The following IRGM variants were observed in gnomAD, a reference collection of about 807,000 sequenced individuals.
The protein encoded by IRGM is immunity-related GTPase family M protein.
For synonymous variants in IRGM, 98 were observed against 80.6 expected (o/e 1.22, Z -1.16); for missense variants, 288 against 219.9 (o/e 1.31, Z -1.96).
chr5:150,895,910 C>T (rs1384265200), intron 3 of IRGM: 2 of 1,613,250 alleles, frequency 1.2e-6, no homozygotes, highest in East Asian at 4.5e-5. Context: ...TGAAGGCTTC[C>T]TCACATTGAG....
intron 3 of IRGM, chr5:150,895,430 T>C (rs998830152): frequency 3.1e-6 from 5 of 1,598,408 alleles, no homozygotes; most frequent in Non-Finnish European, 3.4e-6. Flanking sequence ...TTCATTATGA[T>C]TTTACCACTG....
intron 1 of IRGM, among the ~76,000 whole-genome samples, chr5:150,855,190 A>G (rs1463011401): frequency 2.0e-5 from 3 of 152,194 alleles, no homozygotes; most frequent in Admixed American, 2.0e-4. Context: ...AAATTCTCCT[A>G]CTTGGTGTAG....
downstream of IRGM, among the ~76,000 whole-genome samples, chr5:150,901,203 A>C (rs1401999903): frequency 2.6e-5 from 4 of 152,128 alleles, no homozygotes; most frequent in Non-Finnish European, 2.9e-5. Flanking sequence ...TAAGTAAAAA[A>C]TCCATTCTCC....
intron 3 of IRGM, among the ~76,000 whole-genome samples, chr5:150,884,675 T>C (rs1754490765): frequency 1.3e-5 from 2 of 152,196 alleles, no homozygotes; most frequent in Non-Finnish European, 2.9e-5. Flanking sequence ...TGATCAGTGA[T>C]ATTTAGCTTT....
chr5:150,890,656 GT>G (rs1157339587), intron 3 of IRGM, among the ~76,000 whole-genome samples: 2 of 151,796 alleles, frequency 1.3e-5, no homozygotes, highest in African/African-American at 4.8e-5. Context: ...ATATAGTTGT[GT>G]TTTTATTTTC....
downstream of IRGM, among the ~76,000 whole-genome samples, chr5:150,850,230 T>TA (rs928924954): frequency 6.6e-6 from 1 of 152,154 alleles, no homozygotes; most frequent in East Asian, 1.9e-4. Flanking sequence ...ATACGTAATT[T>TA]AAAAAAATAT....
At chr5:150,880,080 T>C (rs10041072) in intron 3 of IRGM, among the ~76,000 whole-genome samples, 31,791 of 152,142 alleles carry the variant, frequency 0.21, 5,366 homozygotes, top group African/African-American at 0.45. Context: ...TTAAAATTCC[T>C]GTCTTTGGAT....
intron 3 of IRGM, among the ~76,000 whole-genome samples, chr5:150,881,815 C>G (rs922738750): frequency 6.6e-6 from 1 of 152,050 alleles, no homozygotes; most frequent in Non-Finnish European, 1.5e-5. Flanking sequence ...ATAGCATAAT[C>G]GGTGTAAGAT....
In IRGM at chr5:150,848,056, C is replaced by A. The variant is rs1274652463; in HGVS notation, c.-68C>A. 9 of 1,294,840 alleles carry A rather than the reference C, an allele frequency of 7.0e-6. No homozygotes were observed. The highest frequency in any genetic ancestry group is 2.6e-5 in the Admixed American group (1 of 38,608). The allele number at this position is 1,294,840 out of a possible 1,614,324, so 80.2% of individuals were successfully genotyped here. A position where few individuals can be genotyped will look rare whatever the true frequency, so the allele number is the denominator to read the frequency against. On this transcript the variant is annotated 5_prime_UTR_variant, in exon 2 of 2. Coordinates refer to ENST00000522154, the MANE Select transcript of IRGM (RefSeq NM_001145805.2). ...GACCTCGTGATCTGCTCGCCTCGGCCTTCCAAAGTGCTGGGATTACAGGCA... is the reference window on the plus strand; with the variant it reads ...GACCTCGTGATCTGCTCGCCTCGGCATTCCAAAGTGCTGGGATTACAGGCA...
chr5:150,900,786 TAAGA>T (rs758307047), downstream of IRGM: 15 of 151,772 alleles, frequency 9.9e-5, no homozygotes, highest in Non-Finnish European at 1.8e-4. Context: ...AAAAGTAACA[TAAGA>T]AAGATAATAA....
intron 1 of IRGM, among the ~76,000 whole-genome samples, chr5:150,873,261 G>A (rs1754313966): frequency 6.6e-6 from 1 of 152,198 alleles, no homozygotes; most frequent in South Asian, 2.1e-4. Flanking sequence ...CTTCCAGGCT[G>A]AGTGGACAAA....
downstream of IRGM, among the ~76,000 whole-genome samples, chr5:150,851,562 T>C (rs1324774587): frequency 6.6e-6 from 1 of 152,222 alleles, no homozygotes; most frequent in Non-Finnish European, 1.5e-5. Flanking sequence ...TTTGAGAAGA[T>C]GATATATAAA....
intron 3 of IRGM, chr5:150,895,761 T>C (rs1754742038): frequency 6.8e-6 from 11 of 1,613,530 alleles, no homozygotes; most frequent in Non-Finnish European, 9.3e-6. Flanking sequence ...ACTACATTTA[T>C]AGGGTTTTTC....
At chr5:150,878,212 T>C (rs1262796716) in intron 2 of IRGM, 4 of 370,078 alleles carry the variant, frequency 1.1e-5, no homozygotes, top group Non-Finnish European at 2.1e-5. Context: ...TTCCTAACTT[T>C]GTGAGGCTAG....
Position 150,881,645 on chromosome 5 carries a change from T to G in IRGM, c.*140+1999T>G, listed in dbSNP as rs187876843. Reference sequence around the variant, plus strand: ...TTAGTATAAAAGTTAAAAGATAAAATTATTAAAAATAATAATAGCAATATC... The same window carrying G: ...TTAGTATAAAAGTTAAAAGATAAAAGTATTAAAAATAATAATAGCAATATC... On this transcript the variant is annotated intron_variant and NMD_transcript_variant, in intron 3 of 3. Transcript: ENST00000520549. Among the ~76,000 whole-genome samples, 333 of 152,146 alleles carry G rather than the reference T, an allele frequency of 2.2e-3. 1 individual carries two copies. The highest frequency in any genetic ancestry group is 7.9e-3 in the African/African-American group (327 of 41,490).
chr5:150,862,567 A>G (rs1378167927), intron 1 of IRGM, among the ~76,000 whole-genome samples: 1 of 152,182 alleles, frequency 6.6e-6, no homozygotes, highest in Non-Finnish European at 1.5e-5. Context: ...AAGATTTAAG[A>G]ATTGCCATCT....
At chr5:150,851,415 G>T (rs11167514), downstream of IRGM, among the ~76,000 whole-genome samples, 4 of 151,982 alleles carry the variant, frequency 2.6e-5, no homozygotes, top group Admixed American at 1.3e-4. Flanking sequence ...AGAGCATCAG[G>T]GGGACCTCAT....
At chr5:150,891,683 G>T (rs1754612613) in intron 3 of IRGM, among the ~76,000 whole-genome samples, 1 of 152,088 alleles carries the variant, frequency 6.6e-6, no homozygotes, top group Non-Finnish European at 1.5e-5. Flanking sequence ...TGTTTTGCCA[G>T]CAGATGACCA....
intron 3 of IRGM, among the ~76,000 whole-genome samples, chr5:150,883,603 T>C (rs1754476153): frequency 6.6e-6 from 1 of 151,998 alleles, no homozygotes; most frequent in Non-Finnish European, 1.5e-5. Context: ...ATGAGACTAC[T>C]ATGAACAATT....
Sources: gnomAD v4.1 joint callset for allele counts (sites outside exome capture counted in the v4.1 genomes callset) on GRCh38, gnomAD v4.1.1 for gene constraint, MANE v1.5 for transcripts, NCBI Gene and HGNC (gene_info 2026-07-23, HGNC 2026-07-21) for gene names.